POU6F2: variants seen among roughly 807,000 people sequenced by gnomAD.
POU6F2 encodes POU class 6 homeobox 2.
POU6F2 carries 31 observed loss-of-function variants against 71.3 expected under a neutral mutation model. The ratio of observed to expected loss-of-function variants is 0.43; its 90% CI spans 0.33 to 0.59. The LOEUF (loss-of-function observed/expected upper bound fraction) is 0.59. POU6F2 is among the 20% of genes least tolerant of loss of function. The pLI, the probability that POU6F2 is intolerant of heterozygous loss-of-function variation, is 0.04. For synonymous variants in POU6F2, 347 were observed against 355.7 expected (o/e 0.98, Z 0.27); for missense variants, 783 against 856.8 (o/e 0.91, Z 1.07).
intron 7 of POU6F2, among the ~76,000 whole-genome samples, chr7:39,434,336 T>C (rs2116037278): frequency 6.6e-6 from 1 of 152,098 alleles, no homozygotes; most frequent in East Asian, 1.9e-4. Flanking sequence ...CTAAAAAGGA[T>C]GGACTTTTTC....
At position 39,466,249 on chromosome 7, in the gene POU6F2, A is replaced by T. The variant is rs993833445; in HGVS notation, c.*1563A>T. The stretch of plus-strand genomic sequence containing the variant: ...AGAAGGGGCTTATCTAACAATCAGA[A>T]TAGCCTGCAATATGAGAACTAGAGG... On this transcript the variant is annotated 3_prime_UTR_variant, in exon 10 of 10. Coordinates refer to ENST00000518318, the MANE Select transcript of POU6F2 (RefSeq NM_001370959.1). 1 of 151,974 alleles carries T rather than the reference A, an allele frequency of 6.6e-6. No homozygotes were observed. The allele number at this position is 151,974 out of a possible 1,614,324, so 9.4% of individuals were successfully genotyped here.
chr7:39,056,729 A>G (rs1237507793), intron 1 of POU6F2, among the ~76,000 whole-genome samples: 3 of 144,666 alleles, frequency 2.1e-5, no homozygotes, highest in African/African-American at 7.8e-5. Context: ...GGGGTTGCCA[A>G]TGCTATGTTC....
chr7:39,246,580 T>C (rs867417905), intron 4 of POU6F2, among the ~76,000 whole-genome samples: 3 of 152,140 alleles, frequency 2.0e-5, no homozygotes, highest in South Asian at 4.1e-4. Context: ...GACTCCTGTA[T>C]GTAAAATTGG....
chr7:39,428,243 A>G (rs1788018307), intron 6 of POU6F2, among the ~76,000 whole-genome samples: 1 of 152,210 alleles, frequency 6.6e-6, no homozygotes, highest in South Asian at 2.1e-4. Context: ...AGTTGCTCTT[A>G]TAATATGAAC....
At chr7:39,134,494 C>T (rs1792351708) in intron 2 of POU6F2, among the ~76,000 whole-genome samples, 1 of 152,224 alleles carries the variant, frequency 6.6e-6, no homozygotes, top group Admixed American at 6.5e-5. Context: ...CAGTCTTTCT[C>T]TTCCCTTCTT....
At chr7:39,114,550 A>G (rs1791890216) in intron 2 of POU6F2, among the ~76,000 whole-genome samples, 1 of 152,182 alleles carries the variant, frequency 6.6e-6, no homozygotes, top group Non-Finnish European at 1.5e-5. Context: ...TTCACATGGA[A>G]ATCACCACTT....
At chr7:39,212,894 CT>C (rs1562749245) in intron 4 of POU6F2, among the ~76,000 whole-genome samples, 1 of 152,070 alleles carries the variant, frequency 6.6e-6, no homozygotes, top group Non-Finnish European at 1.5e-5. Context: ...GGATCCTTTG[CT>C]TTTTTGAAAC....
chr7:39,300,033 C>T (rs1784924849), intron 4 of POU6F2, among the ~76,000 whole-genome samples: 1 of 152,142 alleles, frequency 6.6e-6, no homozygotes, highest in African/African-American at 2.4e-5. Flanking sequence ...TGCAGAGCCA[C>T]ATCTCTTCCC....
rs377013115 is a variant in POU6F2 at position 38,979,184 on chromosome 7, A to G, written c.105+1126A>G. On this transcript the variant is annotated intron_variant, in intron 1 of 9. Transcript: ENST00000518318. ...CTCATAAACCAGACTATGGTCACGA[A>G]TATTTATAAACTCCTAAAAGTTTTT... Among the ~76,000 whole-genome samples the G allele has an allele frequency of 3.6e-4, 47 of 129,604 alleles. 1 individual carries two copies. In the South Asian group the frequency reaches 0.013, roughly 36 times the overall value. The allele number at this position is 129,604 out of a possible 152,430, so 85.0% of individuals were successfully genotyped here.
At chr7:39,331,649 A>G (rs1785653960) in intron 4 of POU6F2, among the ~76,000 whole-genome samples, 1 of 152,172 alleles carries the variant, frequency 6.6e-6, no homozygotes, top group South Asian at 2.1e-4. Context: ...CTGGGACTAC[A>G]GGCACACGCC....
At chr7:39,317,306 G>A (rs1785287235) in intron 4 of POU6F2, among the ~76,000 whole-genome samples, 2 of 152,148 alleles carry the variant, frequency 1.3e-5, no homozygotes, top group South Asian at 4.1e-4. Flanking sequence ...CTCGCCGATG[G>A]CTTGTAAAAA....
chr7:39,060,242 A>G (rs934447298), intron 1 of POU6F2, among the ~76,000 whole-genome samples: 18 of 152,072 alleles, frequency 1.2e-4, no homozygotes, highest in Non-Finnish European at 2.2e-4. Flanking sequence ...ATAAACTCAT[A>G]TATATTATAT....
chr7:39,464,616 T>C lies in POU6F2; in HGVS notation c.2093T>C (p.Leu698Ser). ...RQALKNTIKRLKQHEPATAVP... is the reference protein window; with the variant it reads ...RQALKNTIKRSKQHEPATAVP... ...GCCCTGAAGAACACAATTAAACGCT[T>C]AAAACAGCACGAGCCGGCCACGGCA... Residue 698 changes from leucine (L) to serine (S), a missense_variant, in exon 10 of 10, where the codon TTA becomes TCA. Coordinates refer to ENST00000518318, the MANE Select transcript of POU6F2 (RefSeq NM_001370959.1). This position sits in a 1 kb window ranked among gnomAD's most constrained non-coding sequence, Gnocchi z 4.1. 2 of 1,609,562 alleles carry C rather than the reference T, an allele frequency of 1.2e-6. No homozygotes were observed. The highest frequency in any genetic ancestry group is 1.7e-6 in the Non-Finnish European group (2 of 1,178,070).
intron 2 of POU6F2, among the ~76,000 whole-genome samples, chr7:39,118,001 A>G (rs887308546): frequency 6.6e-6 from 1 of 152,168 alleles, no homozygotes; most frequent in African/African-American, 2.4e-5. Context: ...CCAATGGAGA[A>G]GTTGAACCCT....
At chr7:39,077,433 G>A (rs1791024181) in intron 1 of POU6F2, among the ~76,000 whole-genome samples, 1 of 152,196 alleles carries the variant, frequency 6.6e-6, no homozygotes, top group Non-Finnish European at 1.5e-5. Flanking sequence ...TTGTTATGTT[G>A]TTATTTCAGT....
chr7:39,168,638 G>C lies in POU6F2; in HGVS notation c.278-35597G>C, dbSNP rs116609887. 5.6e-3 allele frequency among the ~76,000 whole-genome samples: 855 copies of C among 152,274 alleles called. 6 individuals carry two copies. The highest frequency in any genetic ancestry group is 0.024 in the Middle Eastern group (7 of 294). ...AAGCCTGCTGGAAAGAGTCTGGGGTGGTTGTCCGATACAGGCTTAACTGGA... is the reference window on the plus strand; with the variant it reads ...AAGCCTGCTGGAAAGAGTCTGGGGTCGTTGTCCGATACAGGCTTAACTGGA... On this transcript the variant is annotated intron_variant, in intron 2 of 9. Coordinates refer to ENST00000518318, the MANE Select transcript of POU6F2 (RefSeq NM_001370959.1).
chr7:39,005,573 G>A (rs1270343841), intron 1 of POU6F2, among the ~76,000 whole-genome samples: 1 of 149,368 alleles, frequency 6.7e-6, no homozygotes, highest in Non-Finnish European at 1.5e-5. Context: ...CGTGTATGTA[G>A]GTTGGGTTGA....
chr7:39,253,118 A>T (rs1426739194), intron 4 of POU6F2, among the ~76,000 whole-genome samples: 1 of 152,222 alleles, frequency 6.6e-6, no homozygotes, highest in Non-Finnish European at 1.5e-5. Context: ...CAGAGGAAAG[A>T]ACCCACGCAG....
chr7:39,417,231 A>G (rs2115943799), intron 6 of POU6F2, among the ~76,000 whole-genome samples: 1 of 152,332 alleles, frequency 6.6e-6, no homozygotes, highest in African/African-American at 2.4e-5. Context: ...TTACCACACC[A>G]TATGCCCAAT....
Sources: allele counts gnomAD v4.1 joint callset (sites outside exome capture counted in the v4.1 genomes callset), GRCh38; gene constraint gnomAD v4.1.1; non-coding constraint Gnocchi (gnomAD v3.1); transcripts MANE v1.5; gene names NCBI Gene and HGNC (gene_info 2026-07-23, HGNC 2026-07-21).